The following PTPN4 variants were observed in gnomAD, a reference collection of about 807,000 sequenced individuals.
The protein encoded by PTPN4 is protein tyrosine phosphatase non-receptor type 4, also known as tyrosine-protein phosphatase non-receptor type 4.
In PTPN4, 49 loss-of-function variants were observed where a neutral mutation model predicts 135.5. That is an observed-to-expected ratio of 0.36 (90% CI 0.29 to 0.46). The LOEUF (loss-of-function observed/expected upper bound fraction) is 0.46. PTPN4 is among the 20% of genes least tolerant of loss of function. The pLI, the probability that PTPN4 is intolerant of heterozygous loss-of-function variation, is 1.00. For missense variants in PTPN4, 860 were observed against 1,101.0 expected, an observed-to-expected ratio of 0.78 and a Z score of 3.10; for synonymous variants, 333 against 369.9, an observed-to-expected ratio of 0.90 and a Z score of 1.14.
chr2:119,831,265 G>A (rs532330265), intron 2 of PTPN4, among the ~76,000 whole-genome samples: 409 of 152,262 alleles, frequency 2.7e-3, no homozygotes, highest in Non-Finnish European at 4.6e-3. Flanking sequence ...CCCGCCCATC[G>A]CTCACCTCCT....
chr2:119,949,835 C>T (rs1236268644), intron 18 of PTPN4, among the ~76,000 whole-genome samples: 2 of 151,794 alleles, frequency 1.3e-5, no homozygotes, highest in Non-Finnish European at 2.9e-5. Context: ...AGAGCAAGAC[C>T]CTGTCTCAAA....
At chr2:119,925,047 T>A (rs926606271) in intron 12 of PTPN4, among the ~76,000 whole-genome samples, 2 of 152,194 alleles carry the variant, frequency 1.3e-5, no homozygotes, top group Non-Finnish European at 2.9e-5. Flanking sequence ...GTTAGAGCTC[T>A]GTTTCCCTGA....
intron 1 of PTPN4, chr2:119,791,180 A>T (rs1574335652): frequency 7.4e-6 from 1 of 135,068 alleles, no homozygotes; most frequent in Non-Finnish European, 1.5e-5. Flanking sequence ...TCTGGGTTGG[A>T]GTGCAGTGGC....
intron 22 of PTPN4, among the ~76,000 whole-genome samples, chr2:119,959,991 CATT>C (rs1229131630): frequency 6.6e-6 from 1 of 152,014 alleles, no homozygotes. Context: ...AGCAGAACAA[CATT>C]ATATATATAG....
chr2:119,939,897 A>C (rs575236721), intron 15 of PTPN4, among the ~76,000 whole-genome samples: 1 of 152,330 alleles, frequency 6.6e-6, no homozygotes, highest in East Asian at 1.9e-4. Flanking sequence ...GAAGGTTTGA[A>C]TAGAAGGAGA....
At chr2:119,783,316 C>T (rs1690980628) in intron 1 of PTPN4, among the ~76,000 whole-genome samples, 2 of 152,190 alleles carry the variant, frequency 1.3e-5, no homozygotes, top group South Asian at 4.1e-4. Flanking sequence ...CTGTTAATGT[C>T]ACCAACATAC....
At chr2:119,920,727 A>G (rs1018202202) in intron 12 of PTPN4, among the ~76,000 whole-genome samples, 8 of 152,156 alleles carry the variant, frequency 5.3e-5, no homozygotes, top group South Asian at 2.1e-4. Context: ...CAGTAACCCC[A>G]GGTTCCATTT....
chr2:119,844,568 C>T (rs1023196645), intron 2 of PTPN4, among the ~76,000 whole-genome samples: 6 of 149,742 alleles, frequency 4.0e-5, no homozygotes, highest in Non-Finnish European at 7.4e-5. Context: ...TCCTCACCTC[C>T]CAGACGGGGT....
chr2:119,762,274 A>T (rs1690521322), intron 1 of PTPN4, among the ~76,000 whole-genome samples: 1 of 151,330 alleles, frequency 6.6e-6, no homozygotes, highest in Non-Finnish European at 1.5e-5. Context: ...GCCTAACTTT[A>T]AAAAAAAAGT....
chr2:119,852,535 T>G (rs2104980823), intron 2 of PTPN4, among the ~76,000 whole-genome samples: 1 of 152,386 alleles, frequency 6.6e-6, no homozygotes, highest in Admixed American at 6.5e-5. Context: ...GTGTCTTTTT[T>G]TCCCCTTTTT....
At chr2:119,775,012 TA>T (rs985058567) in intron 1 of PTPN4, among the ~76,000 whole-genome samples, 36 of 132,182 alleles carry the variant, frequency 2.7e-4, no homozygotes, top group African/African-American at 9.4e-4. Context: ...GCGAGACTGC[TA>T]AAAAAAAAAT....
At chr2:119,899,411 T>C (rs1460907366) in intron 9 of PTPN4, among the ~76,000 whole-genome samples, 1 of 152,210 alleles carries the variant, frequency 6.6e-6, no homozygotes, top group African/African-American at 2.4e-5. Flanking sequence ...GAGCAGTCTC[T>C]TTCCTACGTA....
At chr2:119,839,427 T>C (rs1463849436) in intron 2 of PTPN4, among the ~76,000 whole-genome samples, 3 of 152,248 alleles carry the variant, frequency 2.0e-5, no homozygotes, top group Non-Finnish European at 4.4e-5. Context: ...AAGTGAGTGA[T>C]GAGAGGACAA....
chr2:119,918,381 T>C lies in PTPN4; in HGVS notation c.829-1688T>C, dbSNP rs528476788. ...TAATAACTCTGTTCATCAAAAGATA[T>C]CACTAAGAGAGTGAAATAGTATAGA... On this transcript the variant is annotated intron_variant, in intron 11 of 26. Coordinates refer to ENST00000263708, the MANE Select transcript of PTPN4 (RefSeq NM_002830.4). Among the ~76,000 whole-genome samples the C allele has an allele frequency of 6.6e-5, 10 of 152,224 alleles. 1 individual carries two copies. The highest frequency in any genetic ancestry group is 1.5e-4 in the Non-Finnish European group (10 of 68,042).
At chr2:119,810,064 A>G (rs1691551558) in intron 2 of PTPN4, 73 bp downstream of exon 2, 1 of 1,452,530 alleles carries the variant, frequency 6.9e-7, no homozygotes, top group Non-Finnish European at 9.3e-7. Flanking sequence ...GTAAACTAGG[A>G]TTATTAAATT....
chr2:119,825,994 A>G (rs1487172100), intron 2 of PTPN4, among the ~76,000 whole-genome samples: 1 of 152,246 alleles, frequency 6.6e-6, no homozygotes, highest in African/African-American at 2.4e-5. Flanking sequence ...AGAATATAAT[A>G]GTAAGTTACT....
Position 119,961,031 on chromosome 2 carries a change from AT to A in PTPN4, c.2280+81del, listed in dbSNP as rs1424880193. ...GCACATATGTAGTCAAAATATTCAT[AT>A]TTATTTAAGCCTTTGTAACCTTTAA... On this transcript the variant is annotated intron_variant, in intron 23 of 26. Coordinates refer to ENST00000263708, the MANE Select transcript of PTPN4 (RefSeq NM_002830.4). 40 of 1,410,890 alleles carry A rather than the reference AT, an allele frequency of 2.8e-5. 1 individual carries two copies. The highest frequency in any genetic ancestry group is 3.6e-5 in the Non-Finnish European group (38 of 1,059,432). 87.4% of individuals were successfully genotyped at this position (1,410,890 alleles called of 1,614,324 possible).
chr2:119,861,414 T>C (rs1447416054), intron 2 of PTPN4, among the ~76,000 whole-genome samples: 2 of 152,206 alleles, frequency 1.3e-5, no homozygotes, highest in Non-Finnish European at 2.9e-5. Context: ...CCATTGCACA[T>C]ATTTTTCTAA....
intron 1 of PTPN4, among the ~76,000 whole-genome samples, chr2:119,801,483 A>G (rs953564582): frequency 3.9e-5 from 6 of 152,238 alleles, no homozygotes; most frequent in Non-Finnish European, 5.9e-5. Context: ...CTGTATGCCT[A>G]TTTGGAGAGA....
Sources: gnomAD v4.1 joint callset for allele counts (sites outside exome capture counted in the v4.1 genomes callset) on GRCh38, gnomAD v4.1.1 for gene constraint, MANE v1.5 for transcripts, NCBI Gene and HGNC (gene_info 2026-07-23, HGNC 2026-07-21) for gene names.